PTPRK: variants seen among roughly 807,000 people sequenced by gnomAD.
PTPRK encodes receptor-type tyrosine-protein phosphatase kappa.
A neutral mutation model predicts 178.0 loss-of-function variants in PTPRK; 75 were observed. The ratio of observed to expected loss-of-function variants is 0.42; its 90% CI spans 0.35 to 0.51. The LOEUF is 0.51. Among genes scored for constraint, PTPRK ranks in the 20% least tolerant of loss-of-function variants. The probability of loss-of-function intolerance (pLI) is 0.02; values close to 1 mark genes in which losing one functional copy is unlikely to be tolerated. For synonymous variants in PTPRK, 637 were observed against 620.6 expected (o/e 1.03, Z -0.39); for missense variants, 1,441 against 1,797.8 (o/e 0.80, Z 3.59).
At chr6:127,980,755 T>C (rs1229894665) in intron 25 of PTPRK, among the ~76,000 whole-genome samples, 1 of 152,190 alleles carries the variant, frequency 6.6e-6, no homozygotes, top group Admixed American at 6.5e-5. Context: ...ATGATTTTTG[T>C]AGGATTTGGC....
intron 17 of PTPRK, among the ~76,000 whole-genome samples, chr6:127,996,510 C>T (rs1044942589): frequency 2.0e-5 from 3 of 152,150 alleles, no homozygotes; most frequent in East Asian, 1.9e-4. Context: ...CTCGCTTTGT[C>T]GCCCAGGCTG....
At position 128,184,658 on chromosome 6, in the gene PTPRK, T is replaced by C. The variant is rs141443956; in HGVS notation, c.936A>G (p.Leu312=). The C allele has an allele frequency of 1.2e-3, 1,867 of 1,613,998 alleles. 1 individual carries two copies. The highest frequency in any genetic ancestry group is 1.5e-3 in the Non-Finnish European group (1,732 of 1,179,934). The change falls in exon 7 of 30, where the codon CTA becomes CTG. Residue 312 remains leucine (L), a synonymous_variant. Coordinates refer to ENST00000368226, the MANE Select transcript of PTPRK (RefSeq NM_002844.4). ...GVGPTYLLIQ[L]NANSIIGDGP... is the part of the protein sequence containing the mutation. ...CATCGCCAATGATCGAGTTGGCATT[T>C]AGTTGGATCAGCAAATATGTAGGCC...
chr6:127,995,369 TAAAAAGCTAGC>T, intron 18 of PTPRK, 82 bp downstream of exon 18: 1 of 1,518,164 alleles, frequency 6.6e-7, no homozygotes, highest in Non-Finnish European at 9.1e-7. Flanking sequence ...TTTTATATTT[TAAAAAGCTAGC>T]AATCACTTTA....
chr6:127,972,965 G>C, intron 29 of PTPRK, 57 bp downstream of exon 29: 1 of 1,524,442 alleles, frequency 6.6e-7, no homozygotes, highest in African/African-American at 1.4e-5. Flanking sequence ...TCAATAAGTA[G>C]GTATATGACT....
chr6:128,379,784 G>A (rs922453919), intron 2 of PTPRK, among the ~76,000 whole-genome samples: 4 of 152,146 alleles, frequency 2.6e-5, no homozygotes, highest in African/African-American at 9.7e-5. Flanking sequence ...TAGTTGGCTA[G>A]ACAGAGGGAA....
At chr6:128,373,042 T>C (rs180887568) in intron 2 of PTPRK, among the ~76,000 whole-genome samples, 87 of 152,272 alleles carry the variant, frequency 5.7e-4, no homozygotes, top group African/African-American at 1.9e-3. Flanking sequence ...CCAATGTATT[T>C]TTTTAGTTAG....
At chr6:128,382,286 G>A (rs1433271987) in intron 2 of PTPRK, among the ~76,000 whole-genome samples, 5 of 151,194 alleles carry the variant, frequency 3.3e-5, no homozygotes, top group Non-Finnish European at 1.5e-5. Flanking sequence ...TAGGAAAATT[G>A]AGCACAAAGA....
chr6:128,320,856 C>T (rs377002196), intron 3 of PTPRK, among the ~76,000 whole-genome samples: 3 of 152,114 alleles, frequency 2.0e-5, no homozygotes, highest in African/African-American at 7.2e-5. Flanking sequence ...CCTGAAAAAG[C>T]AGATGGCTCT....
intron 1 of PTPRK, among the ~76,000 whole-genome samples, chr6:128,447,347 C>T (rs2128403665): frequency 6.6e-6 from 1 of 152,222 alleles, no homozygotes; most frequent in African/African-American, 2.4e-5. Context: ...AACAAGTCTC[C>T]ACCATATGTC....
intron 9 of PTPRK, among the ~76,000 whole-genome samples, chr6:128,083,399 T>TTAAAAA (rs1785161608): frequency 6.6e-6 from 1 of 151,956 alleles, no homozygotes; most frequent in Non-Finnish European, 1.5e-5. Context: ...AAAAGGAAAA[T>TTAAAAA]GAGGGTTTTT....
In PTPRK at chr6:128,162,995, C is replaced by T. The variant is rs146556837; in HGVS notation, c.1162+21437G>A. On this transcript the variant is annotated intron_variant, in intron 7 of 29. Transcript: ENST00000368226. The stretch of plus-strand genomic sequence containing the variant: ...ATACTTAATGTTAATGTTTAATATT[C>T]ATTATTAATATGAATAACATTATGC... Among the ~76,000 whole-genome samples, 773 of 151,236 alleles carry T rather than the reference C, an allele frequency of 5.1e-3. 1 individual carries two copies. The highest frequency in any genetic ancestry group is 0.017 in the Middle Eastern group (5 of 292).
At chr6:128,183,893 ATCTC>A (rs1401063772) in intron 7 of PTPRK, among the ~76,000 whole-genome samples, 40 of 152,264 alleles carry the variant, frequency 2.6e-4, no homozygotes, top group African/African-American at 9.4e-4. Context: ...TGTAAGGAAA[ATCTC>A]TCTGTGTTCT....
intron 4 of PTPRK, chr6:128,241,161 C>T: frequency 2.1e-6 from 1 of 484,650 alleles, no homozygotes; most frequent in Admixed American, 2.3e-5. Flanking sequence ...TAGAATTTAC[C>T]AACCACCACG....
At chr6:127,970,552 T>C (rs1161265572) in intron 29 of PTPRK, among the ~76,000 whole-genome samples, 1 of 152,092 alleles carries the variant, frequency 6.6e-6, no homozygotes, top group Non-Finnish European at 1.5e-5. Context: ...TTTATCTGTT[T>C]ATAATAGTAA....
chr6:128,378,270 T>G (rs1837383842), intron 2 of PTPRK, among the ~76,000 whole-genome samples: 1 of 152,108 alleles, frequency 6.6e-6, no homozygotes, highest in East Asian at 1.9e-4. Context: ...AGATAACAAT[T>G]ATAAATAACA....
rs143500525 is a variant in PTPRK at position 128,234,876 on chromosome 6, G to C, written c.693+5159C>G. Among the ~76,000 whole-genome samples the C allele has an allele frequency of 5.1e-3, 779 of 152,172 alleles. 13 individuals carry two copies. The highest frequency in any genetic ancestry group is 0.018 in the African/African-American group (744 of 41,518). On this transcript the variant is annotated intron_variant, in intron 5 of 29. Coordinates refer to ENST00000368226, the MANE Select transcript of PTPRK (RefSeq NM_002844.4). ...CTGCTACACCATATGTTCATTTTTT[G>C]CTTATATATTCACTTTTTCCTGCAA... is the stretch of plus-strand genomic sequence containing the variant.
chr6:128,055,760 C>A (rs1248389272), intron 13 of PTPRK, among the ~76,000 whole-genome samples: 1 of 151,986 alleles, frequency 6.6e-6, no homozygotes, highest in African/African-American at 2.4e-5. Flanking sequence ...CCACCATGCC[C>A]AGCTAATTTT....
chr6:128,184,514 C>A lies in PTPRK; in HGVS notation c.1080G>T (p.Glu360Asp), dbSNP rs773116376. Residue 360 changes from glutamate to aspartate, a missense_variant, in exon 7 of 30, where the codon GAG becomes GAT. Physicochemically the swap from Glu to Asp is conservative, Grantham distance 45. Around this residue, in one of 4 missense-constraint regions of PTPRK, gnomAD observed 945 missense variants for 1,080.6 expected, o/e 0.87. Coordinates refer to ENST00000368226, the MANE Select transcript of PTPRK (RefSeq NM_002844.4). ...CAGGTCTTGTAAGTAGAACTCGGAT[C>A]TCATATTCGGTATCTGGATCTAAAT... The part of the protein sequence containing the change: ...LWHLDPDTEY[E>D]IRVLLTRPGE... 20 of 1,613,928 alleles carry A rather than the reference C, an allele frequency of 1.2e-5. No individual in the cohort carries two copies. The highest frequency in any genetic ancestry group is 1.7e-5 in the Non-Finnish European group (20 of 1,179,888).
intron 3 of PTPRK, among the ~76,000 whole-genome samples, chr6:128,306,829 A>G (rs1321802809): frequency 6.6e-6 from 1 of 152,116 alleles, no homozygotes; most frequent in African/African-American, 2.4e-5. Context: ...ATCAAAATTT[A>G]TACTTTAGAA....
Sources: gnomAD v4.1 joint callset for allele counts (sites outside exome capture counted in the v4.1 genomes callset) on GRCh38, gnomAD v4.1.1 for gene constraint, gnomAD v4.1.1 regional missense constraint, MANE v1.5 for transcripts, NCBI Gene and HGNC (gene_info 2026-07-23, HGNC 2026-07-21) for gene names.